COL26A1: variants seen among roughly 807,000 people sequenced by gnomAD.
COL26A1 encodes the protein collagen type XXVI alpha 1 chain.
In COL26A1, 41 loss-of-function variants were observed where a neutral mutation model predicts 59.3. The ratio of observed to expected loss-of-function variants is 0.69; its 90% CI spans 0.54 to 0.90. The LOEUF is 0.90. Ranked by LOEUF, COL26A1 falls within the 40% of genes least tolerant of loss-of-function variation. COL26A1 has a pLI of 0.00. For missense variants in COL26A1, 612 were observed against 602.3 expected, an observed-to-expected ratio of 1.02 and a Z score of -0.17; for synonymous variants, 266 against 256.0, an observed-to-expected ratio of 1.04 and a Z score of -0.37.
chr7:101,466,648 C>T (rs936734522), intron 3 of COL26A1, among the ~76,000 whole-genome samples: 4 of 152,088 alleles, frequency 2.6e-5, no homozygotes, highest in Non-Finnish European at 5.9e-5. Flanking sequence ...TGTGATTGTG[C>T]CACTGCACTC....
rs1794398593 is a variant in COL26A1, at chr7:101,489,833, T to TCC, written c.385+42047_385+42048insCC. On this transcript the variant is annotated intron_variant, in intron 3 of 12. Coordinates refer to ENST00000313669, the MANE Select transcript of COL26A1 (RefSeq NM_001278563.3). ...TTCTTTCTTTCTTTCTTTCTTTCTT[T>TCC]CTTTCTTTCTTTCTTTCTTTCTTTC... 1.2e-4 allele frequency among the ~76,000 whole-genome samples: 2 copies of TCC among 16,332 alleles called. 1 individual carries two copies. The highest frequency in any genetic ancestry group is 1.9e-4 in the Non-Finnish European group (2 of 10,442). 10.7% of individuals were successfully genotyped at this position (16,332 alleles called of 152,430 possible).
intron 1 of COL26A1, among the ~76,000 whole-genome samples, chr7:101,379,886 C>T (rs1452112236): frequency 6.6e-6 from 1 of 152,220 alleles, no homozygotes; most frequent in Non-Finnish European, 1.5e-5. Context: ...TAATCCACCC[C>T]TTGTTTAGCA....
At chr7:101,434,071 T>C (rs1562976885) in intron 2 of COL26A1, among the ~76,000 whole-genome samples, 14 of 87,988 alleles carry the variant, frequency 1.6e-4, no homozygotes, top group Admixed American at 5.0e-4. Context: ...CCTCCCTCCC[T>C]CCCTCCCTCC....
At chr7:101,398,784 G>A (rs565350919) in intron 1 of COL26A1, among the ~76,000 whole-genome samples, 19 of 152,190 alleles carry the variant, frequency 1.2e-4, no homozygotes, top group African/African-American at 4.1e-4. Flanking sequence ...GGAGGGGGTC[G>A]ACTTTGCTGA....
chr7:101,408,139 C>T (rs764138017), intron 1 of COL26A1, among the ~76,000 whole-genome samples: 10 of 152,214 alleles, frequency 6.6e-5, no homozygotes, highest in African/African-American at 9.6e-5. Context: ...TGGGGTTCAC[C>T]TATACTGCAT....
intron 3 of COL26A1, among the ~76,000 whole-genome samples, chr7:101,487,289 G>C (rs990349898): frequency 6.6e-6 from 1 of 152,150 alleles, no homozygotes; most frequent in African/African-American, 2.4e-5. Context: ...TAACCAGGCC[G>C]GGACTAAGAT....
At chr7:101,466,480 T>C (rs1174205546) in intron 3 of COL26A1, among the ~76,000 whole-genome samples, 2 of 152,010 alleles carry the variant, frequency 1.3e-5, no homozygotes, top group South Asian at 2.1e-4. Flanking sequence ...GGCAGGAGGA[T>C]TGCTTGAGGC....
At chr7:101,432,252 AT>A (rs1792800396) in intron 2 of COL26A1, among the ~76,000 whole-genome samples, 1 of 151,974 alleles carries the variant, frequency 6.6e-6, no homozygotes, top group Admixed American at 6.6e-5. Flanking sequence ...ATGAGCCACC[AT>A]GTCCATCCTG....
chr7:101,538,430 T>C (rs1296665581), intron 4 of COL26A1, among the ~76,000 whole-genome samples: 1 of 152,220 alleles, frequency 6.6e-6, no homozygotes, highest in Non-Finnish European at 1.5e-5. Flanking sequence ...CACCGCCCAT[T>C]TGCTGGGTGA....
rs139380820 is a variant in COL26A1 at position 101,391,854 on chromosome 7, C to CTTTCTTTTCTTTTCTTTTCT, written c.159-28104_159-28085dup. Among the ~76,000 whole-genome samples the CTTTCTTTTCTTTTCTTTTCT allele has an allele frequency of 3.3e-3, 495 of 149,344 alleles. 4 individuals carry two copies. The highest frequency in any genetic ancestry group is 0.023 in the East Asian group (113 of 4,958). On this transcript the variant is annotated intron_variant, in intron 1 of 12. Transcript: ENST00000313669. The stretch of plus-strand genomic sequence containing the variant: ...ATAGGCATGAGCCACCATGCCAAGC[C>CTTTCTTTTCTTTTCTTTTCT]TTTCTTTTCTTTTCTTTTCTTTTCT...
intron 1 of COL26A1, among the ~76,000 whole-genome samples, chr7:101,384,236 T>TTG (rs1309982654): frequency 7.2e-6 from 1 of 139,190 alleles, no homozygotes; most frequent in African/African-American, 3.2e-5. Context: ...GCTGGTTTTT[T>TTG]TTTTTTTTTT....
At chr7:101,489,653 C>CT (rs1404460954) in intron 3 of COL26A1, among the ~76,000 whole-genome samples, 1 of 74,938 alleles carries the variant, frequency 1.3e-5, no homozygotes. Context: ...TTCTTTCTTT[C>CT]TTTCTTTCTT....
chr7:101,487,268 G>T (rs1322642058), intron 3 of COL26A1, among the ~76,000 whole-genome samples: 3 of 152,024 alleles, frequency 2.0e-5, no homozygotes, highest in Non-Finnish European at 2.9e-5. Flanking sequence ...GCCAGAGACT[G>T]CCCTTGGGGC....
chr7:101,511,105 T>C (rs1017227412), intron 3 of COL26A1, among the ~76,000 whole-genome samples: 2 of 151,992 alleles, frequency 1.3e-5, no homozygotes, highest in African/African-American at 2.4e-5. Flanking sequence ...GGTTTCACCA[T>C]GTTAGCCAGG....
intron 1 of COL26A1, among the ~76,000 whole-genome samples, chr7:101,407,787 C>T (rs1303325580): frequency 1.3e-5 from 2 of 152,112 alleles, no homozygotes; most frequent in African/African-American, 4.8e-5. Flanking sequence ...AGCCCCTTTC[C>T]ATGGCAATGA....
chr7:101,451,492 C>G (rs1309860188), intron 3 of COL26A1, among the ~76,000 whole-genome samples: 1 of 148,648 alleles, frequency 6.7e-6, no homozygotes, highest in Non-Finnish European at 1.5e-5. Context: ...TGACATGATG[C>G]TCAAAGGAAA....
intron 3 of COL26A1, among the ~76,000 whole-genome samples, chr7:101,453,094 G>A (rs191432152): frequency 1.1e-4 from 16 of 152,206 alleles, no homozygotes; most frequent in Admixed American, 1.0e-3. Context: ...GGGAGCAGAC[G>A]TGGTGGCTCA....
rs1794340620 is a variant in COL26A1 at position 101,489,601 on chromosome 7, T to TTTCTTTC, written c.385+41816_385+41817insCTTTCTT. The stretch of plus-strand genomic sequence containing the variant: ...CACCACACTCGGCTATTTTCTTTCT[T>TTTCTTTC]TTTCTTTCTTTCTTTCTTTCTTTCT... On this transcript the variant is annotated intron_variant, in intron 3 of 12. Transcript: ENST00000313669. Among the ~76,000 whole-genome samples the TTTCTTTC allele has an allele frequency of 1.0e-4, 11 of 105,232 alleles. No homozygotes were observed. In the East Asian group the frequency reaches 1.1e-3, roughly 10 times the overall value. 69.0% of individuals were successfully genotyped at this position (105,232 alleles called of 152,430 possible).
At chr7:101,468,431 G>A (rs934195683) in intron 3 of COL26A1, among the ~76,000 whole-genome samples, 1 of 152,130 alleles carries the variant, frequency 6.6e-6, no homozygotes, top group African/African-American at 2.4e-5. Flanking sequence ...CTTTGTAAGT[G>A]ACCTGCCCAT....
Sources: allele counts gnomAD v4.1 joint callset (sites outside exome capture counted in the v4.1 genomes callset), GRCh38; gene constraint gnomAD v4.1.1; transcripts MANE v1.5; gene names NCBI Gene and HGNC (gene_info 2026-07-23, HGNC 2026-07-21).